Variants in COL24A1 observed in about 807,000 individuals in gnomAD.
The protein encoded by COL24A1 is collagen alpha-1(XXIV) chain.
COL24A1 carries 224 observed loss-of-function variants against 253.9 expected under a neutral mutation model. The observed-to-expected ratio is 0.88, with a 90% CI of 0.79 to 0.99. COL24A1 has a LOEUF of 0.99. COL24A1 is among the 50% of genes least tolerant of loss of function. The pLI is 0.00. For synonymous variants in COL24A1, 685 were observed against 673.7 expected, an observed-to-expected ratio of 1.02 and a Z score of -0.26; for missense variants, 2,131 against 2,068.5, an observed-to-expected ratio of 1.03 and a Z score of -0.59.
At chr1:86,149,967 G>A (rs1052669346) in intron 1 of COL24A1, among the ~76,000 whole-genome samples, 2 of 152,130 alleles carry the variant, frequency 1.3e-5, no homozygotes, top group Non-Finnish European at 2.9e-5. Flanking sequence ...AAAAGAACAG[G>A]TAAAGTTTCT....
intron 5 of COL24A1, among the ~76,000 whole-genome samples, chr1:86,097,139 T>C (rs1052720460): frequency 6.7e-6 from 1 of 148,388 alleles, no homozygotes; most frequent in Non-Finnish European, 1.5e-5. Context: ...TTAAGTTTTG[T>C]CATCTTAAAA....
chr1:86,115,343 T>C lies in COL24A1; in HGVS notation c.1527A>G (p.Ser509=). The change falls in exon 4 of 60, where the codon TCA becomes TCG. Residue 509 remains serine (S), a synonymous_variant. Coordinates refer to ENST00000370571, the MANE Select transcript of COL24A1 (RefSeq NM_152890.7). The part of the protein sequence containing the change: ...PPGPAGIPGP[S]GKRGPRGIPG... ...TACTTACCCGTGGACCTCTCTTCCC[T>C]GACGGACCTGGGATACCTGCTGGAC... The C allele has an allele frequency of 6.2e-7, 1 of 1,614,008 alleles. No homozygotes were observed. The highest frequency in any genetic ancestry group is 8.5e-7 in the Non-Finnish European group (1 of 1,179,924).
intron 24 of COL24A1, among the ~76,000 whole-genome samples, chr1:85,952,224 T>C (rs1690003738): frequency 6.6e-6 from 1 of 152,170 alleles, no homozygotes; most frequent in Admixed American, 6.5e-5. Flanking sequence ...TCAAAAAACA[T>C]GTAAAGTGTT....
At chr1:85,878,340 C>G (rs1161220699) in intron 32 of COL24A1, among the ~76,000 whole-genome samples, 1 of 152,162 alleles carries the variant, frequency 6.6e-6, no homozygotes, top group Non-Finnish European at 1.5e-5. Flanking sequence ...TGAGCTAGCT[C>G]TCTCGTGCAT....
chr1:85,794,875 G>T (rs1670652069), intron 47 of COL24A1, among the ~76,000 whole-genome samples: 2 of 152,094 alleles, frequency 1.3e-5, no homozygotes, highest in Admixed American at 1.3e-4. Flanking sequence ...CATGACCAGA[G>T]ACTTCCTTTA....
intron 5 of COL24A1, among the ~76,000 whole-genome samples, 172 bp downstream of exon 5, chr1:86,112,395 G>A (rs1406936534): frequency 6.6e-6 from 1 of 152,136 alleles, no homozygotes; most frequent in Non-Finnish European, 1.5e-5. Flanking sequence ...GCTTTCAGAG[G>A]AACCTAGCTC....
At chr1:86,155,943 G>T (rs77015544) in intron 1 of COL24A1, 1 of 176,286 alleles carries the variant, frequency 5.7e-6, no homozygotes, top group Non-Finnish European at 1.2e-5. Flanking sequence ...GAAGCACCTC[G>T]GGGAAGCAGG....
chr1:85,955,036 C>A (rs965420977), intron 24 of COL24A1, among the ~76,000 whole-genome samples: 1 of 152,186 alleles, frequency 6.6e-6, no homozygotes, highest in Non-Finnish European at 1.5e-5. Context: ...GAGGGCTCCA[C>A]CCTCAGGCCT....
intron 20 of COL24A1, among the ~76,000 whole-genome samples, chr1:85,976,757 C>T (rs140763946): frequency 6.6e-6 from 1 of 152,224 alleles, no homozygotes; most frequent in African/African-American, 2.4e-5. Context: ...ACAAAATAAC[C>T]TGACAAAATA....
rs968593803 is a variant in COL24A1 at position 85,875,708 on chromosome 1, T to C, written c.3031-378A>G. On this transcript the variant is annotated intron_variant, in intron 33 of 59. Transcript: ENST00000370571. ...CAAATAAGAGATAAATTTATTCACA[T>C]TATAAAAGACACACACACACACACA... Among the ~76,000 whole-genome samples, 19 of 136,102 alleles carry C rather than the reference T, an allele frequency of 1.4e-4. No homozygotes were observed. The East Asian group carries it at 3.6e-3, about 26-fold the overall frequency. The allele number at this position is 136,102 out of a possible 152,430, so 89.3% of individuals were successfully genotyped here.
intron 24 of COL24A1, among the ~76,000 whole-genome samples, chr1:85,942,610 T>A (rs1404088086): frequency 6.6e-6 from 1 of 152,150 alleles, no homozygotes; most frequent in African/African-American, 2.4e-5. Flanking sequence ...TCTGGAATGT[T>A]GAAATCCAAA....
At chr1:86,112,452 G>C (rs1705708649) in intron 5 of COL24A1, 115 bp downstream of exon 5, 2 of 826,960 alleles carry the variant, frequency 2.4e-6, no homozygotes, top group Non-Finnish European at 3.8e-6. Flanking sequence ...CTCTGGAGGT[G>C]ACAGAGATCC....
At chr1:85,769,503 G>T (rs549281493) in intron 53 of COL24A1, among the ~76,000 whole-genome samples, 1 of 151,956 alleles carries the variant, frequency 6.6e-6, no homozygotes, top group Non-Finnish European at 1.5e-5. Flanking sequence ...GTAGGGTGGG[G>T]TCAAAACATT....
At chr1:85,881,883 T>C (rs532893277) in intron 32 of COL24A1, among the ~76,000 whole-genome samples, 1 of 152,114 alleles carries the variant, frequency 6.6e-6, no homozygotes, top group East Asian at 1.9e-4. Flanking sequence ...CTGCTTACTT[T>C]GTATTTAATT....
intron 43 of COL24A1, among the ~76,000 whole-genome samples, chr1:85,837,257 A>T (rs1676100823): frequency 6.6e-6 from 1 of 152,240 alleles, no homozygotes. Context: ...TTTCTTTGAA[A>T]ACAGAAAAAA....
At chr1:86,074,352 A>T (rs1702093722) in intron 7 of COL24A1, among the ~76,000 whole-genome samples, 2 of 152,210 alleles carry the variant, frequency 1.3e-5, no homozygotes, top group African/African-American at 2.4e-5. Flanking sequence ...AGATCAAAAA[A>T]GACAAAGAAG....
At chr1:85,760,027 A>G (rs1666676549) in intron 55 of COL24A1, among the ~76,000 whole-genome samples, 1 of 151,694 alleles carries the variant, frequency 6.6e-6, no homozygotes, top group African/African-American at 2.4e-5. Flanking sequence ...AAACAAGTGG[A>G]AAGTGATTTG....
rs541704697 is a variant in COL24A1, at chr1:86,130,109, CCTT to C, written c.122-3898_122-3896del. Among the ~76,000 whole-genome samples the C allele has an allele frequency of 3.4e-3, 519 of 151,850 alleles. 1 individual carries two copies. The highest frequency in any genetic ancestry group is 6.0e-3 in the Non-Finnish European group (409 of 67,758). On this transcript the variant is annotated intron_variant, in intron 2 of 59. Coordinates refer to ENST00000370571, the MANE Select transcript of COL24A1 (RefSeq NM_152890.7). ...TGCACCTTTCAGAATTACAAAAAGACCTTCTATGTCTAGTTTATTGGGTTTTAT... is the reference window on the plus strand; with the variant it reads ...TGCACCTTTCAGAATTACAAAAAGACCTATGTCTAGTTTATTGGGTTTTAT...
chr1:85,836,374 T>C (rs1676007597), intron 43 of COL24A1, among the ~76,000 whole-genome samples: 1 of 152,224 alleles, frequency 6.6e-6, no homozygotes, highest in African/African-American at 2.4e-5. Flanking sequence ...TTTAAAATGG[T>C]TAAAATGGTA....
Sources: allele counts gnomAD v4.1 joint callset (sites outside exome capture counted in the v4.1 genomes callset), GRCh38; gene constraint gnomAD v4.1.1; transcripts MANE v1.5; gene names NCBI Gene and HGNC (gene_info 2026-07-23, HGNC 2026-07-21).